CDH2: variants seen among roughly 807,000 people sequenced by gnomAD.
CDH2 encodes the protein cadherin 2, also known as cadherin-2.
CDH2 carries 17 observed loss-of-function variants against 92.0 expected under a neutral mutation model. The ratio of observed to expected loss-of-function variants is 0.18; its 90% CI spans 0.13 to 0.28. CDH2 has a LOEUF of 0.28. Ranked by LOEUF, CDH2 falls within the 10% of genes least tolerant of loss-of-function variation. CDH2 has a pLI of 1.00. For missense variants in CDH2, 862 were observed against 1,133.1 expected (o/e 0.76, Z 3.44); for synonymous variants, 419 against 415.9 (o/e 1.01, Z -0.09).
intron 2 of CDH2, among the ~76,000 whole-genome samples, chr18:28,042,044 G>A (rs1322293454): frequency 1.3e-5 from 2 of 152,016 alleles, no homozygotes; most frequent in Non-Finnish European, 2.9e-5. Flanking sequence ...AAAACAGCAA[G>A]TATGAAAGTT....
chr18:28,101,691 G>A (rs981148747), intron 2 of CDH2, among the ~76,000 whole-genome samples: 3 of 152,096 alleles, frequency 2.0e-5, no homozygotes, highest in African/African-American at 7.2e-5. Flanking sequence ...ATTGATTGAA[G>A]TACAAGCATA....
At chr18:28,095,542 G>A (rs897708335) in intron 2 of CDH2, among the ~76,000 whole-genome samples, 2 of 152,162 alleles carry the variant, frequency 1.3e-5, no homozygotes, top group African/African-American at 2.4e-5. Flanking sequence ...TACAGGCTGG[G>A]TGTGGTGGCT....
intron 1 of CDH2, among the ~76,000 whole-genome samples, chr18:28,170,817 G>A (rs2016453143): frequency 6.6e-6 from 1 of 151,924 alleles, no homozygotes; most frequent in African/African-American, 2.4e-5. Flanking sequence ...TGGACTTTTA[G>A]AGATCAAATA....
intron 15 of CDH2, among the ~76,000 whole-genome samples, chr18:27,958,987 CT>C (rs1180230143): frequency 1.3e-5 from 2 of 152,132 alleles, no homozygotes; most frequent in African/African-American, 4.8e-5. Flanking sequence ...AACCTCTTTC[CT>C]TTGTAAATCA....
intron 2 of CDH2, among the ~76,000 whole-genome samples, chr18:28,117,219 A>T (rs529222148): frequency 6.6e-6 from 1 of 152,302 alleles, no homozygotes; most frequent in South Asian, 2.1e-4. Context: ...TCTAAATAAG[A>T]TTAACTGAGA....
At chr18:27,950,875 TAC>T (rs1180147336), downstream of CDH2, 1 of 152,384 alleles carries the variant, frequency 6.6e-6, no homozygotes, top group Non-Finnish European at 1.5e-5. Flanking sequence ...CAAGAACAAA[TAC>T]ATACTTTTTG....
chr18:27,969,150 A>T (rs1489177995), intron 14 of CDH2, among the ~76,000 whole-genome samples: 1 of 152,236 alleles, frequency 6.6e-6, no homozygotes. Context: ...TCCATGGATT[A>T]TCACAGCCCC....
Position 28,070,797 on chromosome 18 carries a change from G to A in CDH2, c.173-56888C>T, listed in dbSNP as rs187095650. On this transcript the variant is annotated intron_variant, in intron 2 of 15. Transcript: ENST00000269141. ...AAGAGGTAGTAAGGCAGCATGTCAG[G>A]AAATGGTAAACAACACATCATGTCA... Among the ~76,000 whole-genome samples the A allele has an allele frequency of 3.2e-4, 48 of 152,292 alleles. No homozygotes were observed. The Middle Eastern group carries it at 0.014, about 43-fold the overall frequency.
At chr18:28,130,600 C>T (rs2015751153) in intron 2 of CDH2, among the ~76,000 whole-genome samples, 2 of 152,230 alleles carry the variant, frequency 1.3e-5, no homozygotes, top group African/African-American at 4.8e-5. Context: ...AATTCACTGG[C>T]ACAAGTCCTG....
chr18:27,998,339 C>T (rs1010968394), intron 7 of CDH2, among the ~76,000 whole-genome samples: 1 of 152,168 alleles, frequency 6.6e-6, no homozygotes, highest in African/African-American at 2.4e-5. Flanking sequence ...CACAATAATC[C>T]TATGAGGCAG....
chr18:28,063,876 A>T (rs182990114), intron 2 of CDH2, among the ~76,000 whole-genome samples: 126 of 152,348 alleles, frequency 8.3e-4, no homozygotes, highest in African/African-American at 2.9e-3. Flanking sequence ...ACTTCAAAAT[A>T]TTATTGGCTA....
intron 2 of CDH2, among the ~76,000 whole-genome samples, chr18:28,091,588 G>A (rs1005980954): frequency 6.6e-6 from 1 of 152,126 alleles, no homozygotes; most frequent in Non-Finnish European, 1.5e-5. Context: ...TAGAGTATAC[G>A]TTTCCTGAAG....
Position 27,987,718 on chromosome 18 carries a change from T to C in CDH2, c.1741+806A>G, listed in dbSNP as rs184772060. ...CACTGTTTCAAATGCTTCATATATA[T>C]GTAGAAGTCATTACATTTTAGTTAA... is the stretch of plus-strand genomic sequence containing the variant. On this transcript the variant is annotated intron_variant, in intron 11 of 15. Transcript: ENST00000269141. Among the ~76,000 whole-genome samples, 18 of 152,306 alleles carry C rather than the reference T, an allele frequency of 1.2e-4. No homozygotes were observed. The East Asian group carries it at 3.3e-3, about 28-fold the overall frequency.
At chr18:28,002,027 G>A (rs564037506) in intron 7 of CDH2, among the ~76,000 whole-genome samples, 2 of 152,174 alleles carry the variant, frequency 1.3e-5, no homozygotes, top group South Asian at 2.1e-4. Context: ...ATGAGTTGGC[G>A]CTTTGATATT....
At chr18:27,934,716 TAACTAATC>T (rs1475514665) in intron 6 of CDH2, among the ~76,000 whole-genome samples, 2 of 58,124 alleles carry the variant, frequency 3.4e-5, no homozygotes, top group South Asian at 4.2e-4. Context: ...TTAATTAAAT[TAACTAATC>T]AATTAACTAA....
intron 1 of CDH2, among the ~76,000 whole-genome samples, chr18:28,164,237 T>C (rs1568023699): frequency 1.3e-5 from 2 of 152,308 alleles, no homozygotes; most frequent in South Asian, 4.1e-4. Flanking sequence ...TCAGGCTACT[T>C]GCATTTAAAC....
chr18:28,167,008 C>T (rs111323481), intron 1 of CDH2, among the ~76,000 whole-genome samples: 3 of 151,956 alleles, frequency 2.0e-5, no homozygotes, highest in South Asian at 4.2e-4. Context: ...AAGTAGAAAC[C>T]CCTCAATGTA....
Position 28,134,305 on chromosome 18 carries a change from T to C in CDH2, c.172+13368A>G, listed in dbSNP as rs1598498385. On this transcript the variant is annotated intron_variant, in intron 2 of 15. Coordinates refer to ENST00000269141, the MANE Select transcript of CDH2 (RefSeq NM_001792.5). ...TTCTTAAATAGAAGACATTCGTGGC[T>C]TAAAGTATGCTGGGAAGATGGCTGA... Among the ~76,000 whole-genome samples the C allele has an allele frequency of 6.6e-5, 10 of 152,160 alleles. No individual in the cohort carries two copies. In the South Asian group the frequency reaches 2.1e-3, roughly 32 times the overall value.
At chr18:28,083,742 A>ATATTT (rs1164861636) in intron 2 of CDH2, among the ~76,000 whole-genome samples, 1 of 152,198 alleles carries the variant, frequency 6.6e-6, no homozygotes, top group Non-Finnish European at 1.5e-5. Flanking sequence ...ATATAAATAT[A>ATATTT]CACCCTATAG....
Sources: gnomAD v4.1 joint callset for allele counts (sites outside exome capture counted in the v4.1 genomes callset) on GRCh38, gnomAD v4.1.1 for gene constraint, MANE v1.5 for transcripts, NCBI Gene and HGNC (gene_info 2026-07-23, HGNC 2026-07-21) for gene names.